The following NEK1 variants were observed in gnomAD, a reference collection of about 807,000 sequenced individuals.
NEK1 encodes NIMA related kinase 1.
NEK1 carries 137 observed loss-of-function variants against 182.1 expected under a neutral mutation model. The observed-to-expected ratio is 0.75, with a 90% CI of 0.65 to 0.87. The LOEUF is 0.87. Among genes scored for constraint, NEK1 ranks in the 40% least tolerant of loss-of-function variants. The pLI is 0.00. For synonymous variants in NEK1, 513 were observed against 492.2 expected, an observed-to-expected ratio of 1.04 and a Z score of -0.56; for missense variants, 1,391 against 1,494.4, an observed-to-expected ratio of 0.93 and a Z score of 1.14.
At chr4:169,585,204 C>A (rs1447457302) in intron 10 of NEK1, 145 bp downstream of exon 10, 18 of 588,170 alleles carry the variant, frequency 3.1e-5, no homozygotes, top group Non-Finnish European at 5.4e-5. Flanking sequence ...AAAGAAAGAC[C>A]ATGGAAAGGA....
At chr4:169,498,173 T>A (rs1169052811) in intron 23 of NEK1, among the ~76,000 whole-genome samples, 2 of 152,236 alleles carry the variant, frequency 1.3e-5, no homozygotes, top group Non-Finnish European at 2.9e-5. Context: ...GCCTTCTTTG[T>A]CTCTTTTGAT....
At chr4:169,611,262 T>C (rs1772285336) in intron 2 of NEK1, among the ~76,000 whole-genome samples, 1 of 152,198 alleles carries the variant, frequency 6.6e-6, no homozygotes. Flanking sequence ...CAGTGACTTT[T>C]AACGTGAAAA....
At chr4:169,608,656 C>T (rs1402416767) in intron 2 of NEK1, among the ~76,000 whole-genome samples, 2 of 152,058 alleles carry the variant, frequency 1.3e-5, no homozygotes, top group Admixed American at 1.3e-4. Flanking sequence ...CCAAAAAACA[C>T]AACAATCCAA....
intron 12 of NEK1, among the ~76,000 whole-genome samples, chr4:169,571,371 C>T (rs1380163144): frequency 2.0e-5 from 3 of 152,020 alleles, no homozygotes; most frequent in Non-Finnish European, 4.4e-5. Flanking sequence ...TGAATTTCTG[C>T]ACTGTAGTGG....
In NEK1 at chr4:169,484,238, G is replaced by A. The variant is rs1355703830; in HGVS notation, c.2008-4704C>T. 2.0e-5 allele frequency among the ~76,000 whole-genome samples: 3 copies of A among 152,146 alleles called. No homozygotes were observed. The East Asian group carries it at 5.8e-4, about 29-fold the overall frequency. ...ACATTTTTGTATTTTTAGTAGAAAT[G>A]GGATTTCACATGTTGGCCAGGCTGG... is the stretch of plus-strand genomic sequence containing the variant. On this transcript the variant is annotated intron_variant, in intron 23 of 35. Coordinates refer to ENST00000507142, the MANE Select transcript of NEK1 (RefSeq NM_001199397.3).
At chr4:169,534,875 A>C (rs575212559) in intron 19 of NEK1, among the ~76,000 whole-genome samples, 1 of 152,348 alleles carries the variant, frequency 6.6e-6, no homozygotes, top group East Asian at 1.9e-4. Flanking sequence ...AAAATCAATC[A>C]ACAGAGACTC....
intron 19 of NEK1, among the ~76,000 whole-genome samples, chr4:169,536,296 CAA>C (rs386402227): frequency 2.1e-4 from 19 of 90,308 alleles, no homozygotes; most frequent in Non-Finnish European, 1.7e-4. Context: ...GAGTTTGTCT[CAA>C]AAAAAAAAAA....
At chr4:169,569,776 A>G (rs575968615) in intron 12 of NEK1, among the ~76,000 whole-genome samples, 1,592 of 152,246 alleles carry the variant, frequency 0.01, 12 homozygotes, top group Non-Finnish European at 0.015. Flanking sequence ...TTGCAGACGG[A>G]GTCTCGTTCA....
At chr4:169,493,045 G>C (rs1750416991) in intron 23 of NEK1, among the ~76,000 whole-genome samples, 1 of 152,184 alleles carries the variant, frequency 6.6e-6, no homozygotes, top group Non-Finnish European at 1.5e-5. Context: ...GTGGCTCGAT[G>C]AAAGTGAACA....
In NEK1 at chr4:169,406,441, G is replaced by T. The variant is rs542627669; in HGVS notation, c.3374+155C>A. ...GTATTCCAGCTAGGTGACAGAGTGA[G>T]ACCCTGTCTCTTAAAATAGATAAAA... On this transcript the variant is annotated intron_variant, in intron 32 of 35. Coordinates refer to ENST00000507142, the MANE Select transcript of NEK1 (RefSeq NM_001199397.3). Among the ~76,000 whole-genome samples, 48 of 149,558 alleles carry T rather than the reference G, an allele frequency of 3.2e-4. 1 individual carries two copies. Among genetic ancestry groups the T allele is most frequent in the South Asian group, 2.7e-3 (13 of 4,760 alleles).
At chr4:169,434,777 T>C (rs746872899) in intron 28 of NEK1, among the ~76,000 whole-genome samples, 4 of 152,258 alleles carry the variant, frequency 2.6e-5, no homozygotes, top group Non-Finnish European at 4.4e-5. Context: ...TGTACTAATC[T>C]TTAAGTTTTT....
intron 19 of NEK1, among the ~76,000 whole-genome samples, chr4:169,535,249 G>C (rs1758284715): frequency 6.6e-6 from 1 of 152,138 alleles, no homozygotes; most frequent in Non-Finnish European, 1.5e-5. Flanking sequence ...CCTGAACCCA[G>C]GAAGCAGAGG....
rs562369439 is a variant in NEK1, at chr4:169,495,035, T to C, written c.2007+12002A>G. 3.3e-5 allele frequency among the ~76,000 whole-genome samples: 5 copies of C among 152,294 alleles called. No individual in the cohort carries two copies. The East Asian group carries it at 7.7e-4, about 24-fold the overall frequency. On this transcript the variant is annotated intron_variant, in intron 23 of 35. Transcript: ENST00000507142. ...GTTGCAAAAATTTTCTCCCATTCTGTAGGTTGCCTGTTCACTCTGATGGTA... is the reference window on the plus strand; with the variant it reads ...GTTGCAAAAATTTTCTCCCATTCTGCAGGTTGCCTGTTCACTCTGATGGTA...
At chr4:169,511,699 C>T (rs930062433) in intron 19 of NEK1, among the ~76,000 whole-genome samples, 1 of 152,064 alleles carries the variant, frequency 6.6e-6, no homozygotes, top group Non-Finnish European at 1.5e-5. Flanking sequence ...TTTTGTCACT[C>T]ATGTCATCTT....
intron 2 of NEK1, among the ~76,000 whole-genome samples, chr4:169,603,851 G>A (rs1226033898): frequency 6.6e-6 from 1 of 151,826 alleles, no homozygotes; most frequent in African/African-American, 2.4e-5. Context: ...GATTACAGGT[G>A]TGTGCCACCA....
At chr4:169,398,786 T>C (rs990927160) in intron 35 of NEK1, among the ~76,000 whole-genome samples, 1 of 152,206 alleles carries the variant, frequency 6.6e-6, no homozygotes, top group Non-Finnish European at 1.5e-5. Context: ...ACATTTTGTA[T>C]GGAATACAAA....
chr4:169,507,423 G>T (rs1753492033), intron 22 of NEK1, among the ~76,000 whole-genome samples: 1 of 151,934 alleles, frequency 6.6e-6, no homozygotes, highest in Non-Finnish European at 1.5e-5. Context: ...GACTTCATTT[G>T]CCTTCATGGG....
chr4:169,515,416 C>T (rs1319008492), intron 19 of NEK1, among the ~76,000 whole-genome samples: 1 of 151,762 alleles, frequency 6.6e-6, no homozygotes, highest in East Asian at 1.9e-4. Flanking sequence ...CTGTTTACTT[C>T]TTCTTTCAGC....
chr4:169,596,040 C>T (rs1769432746), intron 5 of NEK1, among the ~76,000 whole-genome samples: 1 of 151,772 alleles, frequency 6.6e-6, no homozygotes, highest in Non-Finnish European at 1.5e-5. Context: ...GGTAAAGTCA[C>T]TTTCTAGCAA....
Sources: allele counts gnomAD v4.1 joint callset (sites outside exome capture counted in the v4.1 genomes callset), GRCh38; gene constraint gnomAD v4.1.1; transcripts MANE v1.5; gene names NCBI Gene and HGNC (gene_info 2026-07-23, HGNC 2026-07-21).